The following NR3C1 variants were observed in gnomAD, a reference collection of about 807,000 sequenced individuals.
NR3C1 encodes the protein glucocorticoid receptor.
Under a neutral mutation model 74.0 loss-of-function variants are expected in NR3C1, and 14 were observed. The ratio of observed to expected loss-of-function variants is 0.19; its 90% confidence interval spans 0.12 to 0.30. The LOEUF is 0.30. Ranked by LOEUF, NR3C1 falls within the 10% of genes least tolerant of loss-of-function variation. NR3C1 has a pLI of 1.00. For missense variants in NR3C1, 695 were observed against 909.8 expected, an observed-to-expected ratio of 0.76 and a Z score of 3.04; for synonymous variants, 308 against 332.5, an observed-to-expected ratio of 0.93 and a Z score of 0.80.
At chr5:143,424,093 G>A (rs1000740111) in intron 1 of NR3C1, among the ~76,000 whole-genome samples, 4 of 150,398 alleles carry the variant, frequency 2.7e-5, no homozygotes, top group Non-Finnish European at 4.4e-5. Context: ...GGATAGCATT[G>A]GGAGATATAC....
chr5:143,408,615 T>C (rs1186928834), upstream of NR3C1, among the ~76,000 whole-genome samples: 1 of 152,182 alleles, frequency 6.6e-6, no homozygotes, highest in African/African-American at 2.4e-5. Flanking sequence ...GGAAATTCAT[T>C]TTTTGTTTCA....
chr5:143,359,351 C>T (rs956371000), intron 2 of NR3C1, among the ~76,000 whole-genome samples: 1 of 152,190 alleles, frequency 6.6e-6, no homozygotes, highest in Admixed American at 6.5e-5. Flanking sequence ...CAAGTTCAGC[C>T]ATTCATTCTA....
intron 2 of NR3C1, among the ~76,000 whole-genome samples, chr5:143,382,275 G>A (rs1055214889): frequency 1.3e-5 from 2 of 151,798 alleles, no homozygotes; most frequent in Non-Finnish European, 2.9e-5. Flanking sequence ...AACATGACCT[G>A]TACCCCATAA....
rs61759017 is a variant in NR3C1, at chr5:143,403,056, G to A, written c.-14+155C>T. Among the ~76,000 whole-genome samples the A allele has an allele frequency of 3.2e-3, 479 of 149,584 alleles. 2 individuals are homozygous for A. Among genetic ancestry groups the A allele is most frequent in the African/African-American group, 0.011 (464 of 40,392 alleles). On this transcript the variant is annotated intron_variant, in intron 1 of 8. Transcript: ENST00000394464. Reference sequence around the variant, plus strand: ...GCTGTCACCCGCGCGCTGCCCTTTCGTCACCGTCGCCCGGCCCTTGCCAGC... The same window carrying A: ...GCTGTCACCCGCGCGCTGCCCTTTCATCACCGTCGCCCGGCCCTTGCCAGC...
intron 3 of NR3C1, 90 bp from the exon 4 acceptor site, chr5:143,310,303 T>C: frequency 4.4e-6 from 4 of 907,396 alleles, no homozygotes; most frequent in Non-Finnish European, 7.1e-6. Context: ...CGGTGGAATA[T>C]AACCAAGACA....
rs1818325449 is a variant in NR3C1, at chr5:143,300,743, T to C, written c.1489A>G (p.Ile497Val). Residue 497 changes from isoleucine to valine, a missense_variant, in exon 5 of 9, where the codon ATA becomes GTA. By Grantham distance (29) the Ile-to-Val change is conservative. Around this residue, in one of 4 missense-constraint regions of NR3C1, gnomAD observed 42 missense variants for 49.3 expected, o/e 0.85. Transcript: ENST00000394464. The surrounding 1 kb of genome is among the most constrained non-coding windows in gnomAD (Gnocchi z 5.2). ...GTAGTGGCCTGCTGAATTCCTTTTA[T>C]TTTTTTCTTTGTTTTTCGAGCTGTG... ...NLEARKTKKK[I>V]KGIQQATTGV... 6.2e-7 allele frequency: 1 copy of C among 1,613,798 alleles called. No individual in the cohort carries two copies. Among genetic ancestry groups the C allele is most frequent in the South Asian group, 1.1e-5 (1 of 91,042 alleles).
rs184757185 is a variant in NR3C1 at position 143,394,652 on chromosome 5, C to A, written c.1184+5004G>T. 2.6e-5 allele frequency among the ~76,000 whole-genome samples: 4 copies of A among 151,934 alleles called. No homozygotes were observed. In the East Asian group the frequency reaches 7.7e-4, roughly 29 times the overall value. On this transcript the variant is annotated intron_variant, in intron 2 of 8. Coordinates refer to ENST00000394464, the MANE Select transcript of NR3C1 (RefSeq NM_000176.3). ...TCTTCAAGTAAAATGTGCATTTTAT[C>A]CTTTTTTGATAATAAAGCATAGTAA...
At position 143,281,813 on chromosome 5, in the gene NR3C1, C is replaced by T; in HGVS notation, c.*76G>A. The stretch of plus-strand genomic sequence containing the variant: ...AAAAAATAAAACAACAAAACCTCTA[C>T]AGGACAAACTGATAGTTTATACAAT... On this transcript the variant is annotated 3_prime_UTR_variant, in exon 9 of 9. Transcript: ENST00000394464. The T allele has an allele frequency of 7.0e-7, 1 of 1,430,172 alleles. No individual in the cohort carries two copies. The highest frequency in any genetic ancestry group is 1.2e-5 in the South Asian group (1 of 86,206). The allele number at this position is 1,430,172 out of a possible 1,614,324, so 88.6% of individuals were successfully genotyped here. A position where few individuals can be genotyped will look rare whatever the true frequency, so the allele number is the denominator to read the frequency against.
Position 143,353,545 on chromosome 5 carries a change from GAAC to G in NR3C1, c.1185-39380_1185-39378del, listed in dbSNP as rs779236521. On this transcript the variant is annotated intron_variant, in intron 2 of 8. Coordinates refer to ENST00000394464, the MANE Select transcript of NR3C1 (RefSeq NM_000176.3). ...ATGGATGATGTGTTGGCAGGCATGA[GAAC>G]AACATCCATCTTGTTGTACAATTCC... Among the ~76,000 whole-genome samples, 219 of 152,172 alleles carry G rather than the reference GAAC, an allele frequency of 1.4e-3. 3 individuals are homozygous for G. Among genetic ancestry groups the G allele is most frequent in the Non-Finnish European group, 4.7e-4 (32 of 68,028 alleles).
At chr5:143,410,196 C>G (rs1214745174) in intron 1 of NR3C1, among the ~76,000 whole-genome samples, 1 of 152,156 alleles carries the variant, frequency 6.6e-6, no homozygotes, top group African/African-American at 2.4e-5. Flanking sequence ...ATTTAATCTC[C>G]TTTTCTCTCC....
chr5:143,402,803 C>A lies in NR3C1; in HGVS notation c.-14+408G>T, dbSNP rs1188938766. 12 of 985,286 alleles carry A rather than the reference C, an allele frequency of 1.2e-5. No individual in the cohort carries two copies. The African/African-American group carries it at 2.1e-4, about 17-fold the overall frequency. The allele number at this position is 985,286 out of a possible 1,614,324, so 61.0% of individuals were successfully genotyped here. A position where few individuals can be genotyped will look rare whatever the true frequency, so the allele number is the denominator to read the frequency against. On this transcript the variant is annotated intron_variant, in intron 1 of 8. Coordinates refer to ENST00000394464, the MANE Select transcript of NR3C1 (RefSeq NM_000176.3). ...CCGGGGTGGCGTGCAAATATTCGGG[C>A]GAGTAAAATTCAGACGCGGCTTAGC...
At chr5:143,308,867 T>G (rs984141336) in intron 4 of NR3C1, among the ~76,000 whole-genome samples, 3 of 152,316 alleles carry the variant, frequency 2.0e-5, no homozygotes, top group Non-Finnish European at 2.9e-5. Flanking sequence ...GCATATTTGT[T>G]GAATAAAAGT....
intron 1 of NR3C1, among the ~76,000 whole-genome samples, chr5:143,416,972 C>A (rs960430470): frequency 6.6e-6 from 1 of 151,998 alleles, no homozygotes; most frequent in African/African-American, 2.4e-5. Flanking sequence ...ACATAAATTG[C>A]TTTTCTATTT....
At chr5:143,362,603 C>T (rs569610896) in intron 2 of NR3C1, among the ~76,000 whole-genome samples, 84 of 152,136 alleles carry the variant, frequency 5.5e-4, no homozygotes, top group African/African-American at 2.0e-3. Flanking sequence ...CCTTGTGATC[C>T]ACCTGCCTCA....
intron 2 of NR3C1, among the ~76,000 whole-genome samples, chr5:143,339,700 C>T (rs1827836214): frequency 6.6e-6 from 1 of 152,198 alleles, no homozygotes; most frequent in South Asian, 2.1e-4. Flanking sequence ...CTATCCTTCT[C>T]CTCCTTCCTT....
chr5:143,307,002 T>G (rs1383396499), intron 4 of NR3C1, among the ~76,000 whole-genome samples: 1 of 148,442 alleles, frequency 6.7e-6, no homozygotes, highest in African/African-American at 2.5e-5. Context: ...GCTGATGCCA[T>G]TCTCCTGCCT....
intron 2 of NR3C1, among the ~76,000 whole-genome samples, chr5:143,349,428 G>A (rs537098884): frequency 6.6e-6 from 1 of 152,090 alleles, no homozygotes; most frequent in Non-Finnish European, 1.5e-5. Flanking sequence ...TATCTTCTTA[G>A]AAGACTTTAC....
Position 143,346,458 on chromosome 5 carries a change from T to G in NR3C1, c.1185-32290A>C, listed in dbSNP as rs1600152560. Among the ~76,000 whole-genome samples, 4 of 152,354 alleles carry G rather than the reference T, an allele frequency of 2.6e-5. No individual in the cohort carries two copies. In the South Asian group the frequency reaches 8.3e-4, roughly 32 times the overall value. The stretch of plus-strand genomic sequence containing the variant: ...TAACAAAGTCAGTATCAGTTTGGCC[T>G]GAACATAGTTTATGATTTTTTCATT... On this transcript the variant is annotated intron_variant, in intron 2 of 8. Coordinates refer to ENST00000394464, the MANE Select transcript of NR3C1 (RefSeq NM_000176.3).
intron 7 of NR3C1, among the ~76,000 whole-genome samples, chr5:143,292,260 C>T (rs758912614): frequency 6.6e-6 from 1 of 152,090 alleles, no homozygotes; most frequent in Non-Finnish European, 1.5e-5. Flanking sequence ...CAGTTGTAAT[C>T]CACTGTTATT....
Sources: allele counts gnomAD v4.1 joint callset (sites outside exome capture counted in the v4.1 genomes callset), GRCh38; gene constraint gnomAD v4.1.1; regional missense constraint gnomAD v4.1.1; non-coding constraint Gnocchi (gnomAD v3.1); transcripts MANE v1.5; gene names NCBI Gene and HGNC (gene_info 2026-07-23, HGNC 2026-07-21).